SCP2: variants seen among roughly 807,000 people sequenced by gnomAD.
SCP2 encodes SCP-2/3-oxoacyl-CoA thiolase.
In SCP2, 48 loss-of-function variants were observed where a neutral mutation model predicts 71.4. The observed-to-expected ratio is 0.67, with a 90% CI of 0.53 to 0.86. The LOEUF (loss-of-function observed/expected upper bound fraction) is 0.86. Among genes scored for constraint, SCP2 ranks in the 40% least tolerant of loss-of-function variants. SCP2 has a pLI of 0.00. For synonymous variants in SCP2, 220 were observed against 218.1 expected (o/e 1.01, Z -0.08); for missense variants, 560 against 655.6 (o/e 0.85, Z 1.59).
At chr1:53,004,181 G>A (rs923830895) in intron 11 of SCP2, among the ~76,000 whole-genome samples, 1 of 152,182 alleles carries the variant, frequency 6.6e-6, no homozygotes, top group African/African-American at 2.4e-5. Context: ...AATGGTGCGA[G>A]ATTTTATCAT....
intron 6 of SCP2, among the ~76,000 whole-genome samples, chr1:52,969,344 T>C (rs1488886666): frequency 1.3e-5 from 2 of 150,920 alleles, no homozygotes; most frequent in African/African-American, 4.9e-5. Context: ...CTGGGCAACA[T>C]GATGAAACCA....
At chr1:53,031,973 G>A (rs1441540085) in intron 13 of SCP2, among the ~76,000 whole-genome samples, 2 of 152,170 alleles carry the variant, frequency 1.3e-5, no homozygotes, top group Admixed American at 1.3e-4. Flanking sequence ...CAAGCAGATG[G>A]CATGGATGCA....
chr1:52,985,656 G>C (rs943948825), intron 10 of SCP2, among the ~76,000 whole-genome samples: 1 of 152,146 alleles, frequency 6.6e-6, no homozygotes, highest in Non-Finnish European at 1.5e-5. Flanking sequence ...AATATGATCT[G>C]TCCTCCTTAC....
intron 10 of SCP2, among the ~76,000 whole-genome samples, chr1:52,984,689 C>T (rs1180020765): frequency 6.6e-6 from 1 of 151,782 alleles, no homozygotes; most frequent in East Asian, 1.9e-4. Flanking sequence ...AGGCATGCGC[C>T]ACCATGCCCA....
At chr1:52,980,586 T>G (rs1409796633) in intron 10 of SCP2, 43 bp downstream of exon 10, 1 of 1,562,352 alleles carries the variant, frequency 6.4e-7, no homozygotes. Flanking sequence ...TAAATTTCAC[T>G]GAGAAAACTT....
intron 10 of SCP2, among the ~76,000 whole-genome samples, 181 bp from the exon 11 acceptor site, chr1:52,987,848 A>G (rs1659135456): frequency 6.6e-6 from 1 of 152,224 alleles, no homozygotes; most frequent in Admixed American, 6.5e-5. Context: ...CATACAGGAA[A>G]TGTTCTGAAA....
At chr1:52,935,021 T>C (rs1432408440) in intron 1 of SCP2, 3 of 149,588 alleles carry the variant, frequency 2.0e-5, no homozygotes, top group Non-Finnish European at 4.5e-5. Context: ...TCCCAGCACT[T>C]TGGGAGGCCG....
intron 6 of SCP2, among the ~76,000 whole-genome samples, chr1:52,966,935 C>T (rs1223752652): frequency 1.3e-5 from 2 of 151,716 alleles, no homozygotes; most frequent in East Asian, 3.9e-4. Context: ...TGCCTGTAAT[C>T]CCAGCACTTT....
In SCP2 at chr1:52,980,501, A is replaced by G; in HGVS notation, c.931A>G (p.Asn311Asp). The change falls in exon 10 of 16, where the codon AAC becomes GAC. Residue 311 changes from asparagine (N) to aspartate (D), a missense_variant. Asn to Asp is a conservative substitution (Grantham distance 23). This residue lies in a region of SCP2 where 513 missense variants were observed against 573.1 expected (regional missense o/e 0.90). Coordinates refer to ENST00000371514, the MANE Select transcript of SCP2 (RefSeq NM_002979.5). The part of the protein sequence containing the change: ...VIELHDCFST[N>D]ELLTYEALGL... ...AGAACTTCACGATTGCTTTTCTACC[A>G]ACGAACTCCTTACTTATGAAGCACT... 6.2e-7 allele frequency: 1 copy of G among 1,614,068 alleles called. No homozygotes were observed. The highest frequency in any genetic ancestry group is 8.5e-7 in the Non-Finnish European group (1 of 1,179,916).
At chr1:52,954,168 ATGAGGTGGCACATTCG>A (rs1655586058) in intron 4 of SCP2, among the ~76,000 whole-genome samples, 1 of 151,518 alleles carries the variant, frequency 6.6e-6, no homozygotes, top group Non-Finnish European at 1.5e-5. Flanking sequence ...AATTAGCTGA[ATGAGGTGGCACATTCG>A]TGTGCCACCC....
At chr1:52,945,431 G>T (rs1174062588) in intron 2 of SCP2, among the ~76,000 whole-genome samples, 2 of 152,166 alleles carry the variant, frequency 1.3e-5, no homozygotes, top group African/African-American at 4.8e-5. Flanking sequence ...GCCAGGTGTG[G>T]TGACTCATGC....
At chr1:53,035,985 A>T (rs1156668620) in intron 13 of SCP2, among the ~76,000 whole-genome samples, 3 of 144,088 alleles carry the variant, frequency 2.1e-5, no homozygotes, top group Admixed American at 7.4e-5. Flanking sequence ...AGGCCACTGC[A>T]CTCCAGCCTG....
At chr1:52,985,803 C>G (rs1658936607) in intron 10 of SCP2, among the ~76,000 whole-genome samples, 1 of 152,122 alleles carries the variant, frequency 6.6e-6, no homozygotes, top group Non-Finnish European at 1.5e-5. Flanking sequence ...ATGATTTGCT[C>G]TCTCACTCCC....
In SCP2 at chr1:52,942,610, A is replaced by G. The variant is rs192623334; in HGVS notation, c.127+757A>G. On this transcript the variant is annotated intron_variant, in intron 2 of 15. Transcript: ENST00000371514. ...GAAAGCTTCTTTACATGATATATATAAAGAATTTTTTTTTTGCCATCAATA... is the reference window on the plus strand; with the variant it reads ...GAAAGCTTCTTTACATGATATATATGAAGAATTTTTTTTTTGCCATCAATA... Among the ~76,000 whole-genome samples, 407 of 150,852 alleles carry G rather than the reference A, an allele frequency of 2.7e-3. 1 individual carries two copies. Among genetic ancestry groups the G allele is most frequent in the Non-Finnish European group, 4.5e-3 (305 of 68,014 alleles).
At chr1:53,007,904 A>C (rs981182567) in intron 11 of SCP2, among the ~76,000 whole-genome samples, 3 of 152,200 alleles carry the variant, frequency 2.0e-5, no homozygotes, top group Admixed American at 6.5e-5. Flanking sequence ...AGAAGAAAAG[A>C]GAGAAGAATC....
chr1:53,018,530 T>A (rs949812422), intron 12 of SCP2, among the ~76,000 whole-genome samples: 2 of 152,002 alleles, frequency 1.3e-5, no homozygotes, highest in Non-Finnish European at 2.9e-5. Context: ...TGGCTTGCGG[T>A]CAGGAGTTTG....
Position 52,931,248 on chromosome 1 carries a change from T to C in SCP2, c.69+3783T>C, listed in dbSNP as rs1441894352. On this transcript the variant is annotated intron_variant, in intron 1 of 15. Transcript: ENST00000371514. ...CAGAGCAGAGAGACCACTACCTAAG[T>C]TCCTGAAGAGGGGTTATACTGGTTG... 2.0e-4 allele frequency among the ~76,000 whole-genome samples: 31 copies of C among 152,166 alleles called. 1 individual carries two copies. Among genetic ancestry groups the C allele is most frequent in the Non-Finnish European group, 1.5e-5 (1 of 68,030 alleles).
intron 4 of SCP2, among the ~76,000 whole-genome samples, chr1:52,954,448 C>T (rs1486412504): frequency 6.6e-6 from 1 of 152,104 alleles, no homozygotes; most frequent in Non-Finnish European, 1.5e-5. Flanking sequence ...GACCTCCTGC[C>T]TCAGCCTACC....
At position 52,957,188 on chromosome 1, in the gene SCP2, G is replaced by A. The variant is rs905538294; in HGVS notation, c.396+2384G>A. ...CTCCCAAAGTGCTGGGATTACAGGC[G>A]TGAGCCACTGCCCCTGGCCCCTGGC... On this transcript the variant is annotated intron_variant, in intron 5 of 15. Transcript: ENST00000371514. Among the ~76,000 whole-genome samples the A allele has an allele frequency of 1.3e-4, 20 of 151,932 alleles. 1 individual carries two copies. The highest frequency in any genetic ancestry group is 4.6e-4 in the Admixed American group (7 of 15,266).
Sources: gnomAD v4.1 joint callset for allele counts (sites outside exome capture counted in the v4.1 genomes callset) on GRCh38, gnomAD v4.1.1 for gene constraint, gnomAD v4.1.1 regional missense constraint, MANE v1.5 for transcripts, NCBI Gene and HGNC (gene_info 2026-07-23, HGNC 2026-07-21) for gene names.